The following CHMP1A variants were observed in gnomAD, a reference collection of about 807,000 sequenced individuals.
CHMP1A encodes the protein VPS46 homolog A.
CHMP1A carries 17 observed loss-of-function variants against 27.0 expected under a neutral mutation model. The ratio of observed to expected loss-of-function variants is 0.63; its 90% CI spans 0.43 to 0.95. The LOEUF is 0.95. CHMP1A is among the 40% of genes least tolerant of loss of function. CHMP1A has a pLI of 0.00. For missense variants in CHMP1A, 275 were observed against 264.0 expected (o/e 1.04, Z -0.29); for synonymous variants, 131 against 107.5 (o/e 1.22, Z -1.35).
At chr16:89,648,583 G>A (rs1265977843) in intron 4 of CHMP1A, among the ~76,000 whole-genome samples, 1 of 152,210 alleles carries the variant, frequency 6.6e-6, no homozygotes, top group Non-Finnish European at 1.5e-5. Flanking sequence ...TGTGGGAGTT[G>A]CCAAGACCGA....
intron 1 of CHMP1A, among the ~76,000 whole-genome samples, chr16:89,654,517 G>T (rs2059849043): frequency 1.3e-5 from 2 of 152,284 alleles, no homozygotes; most frequent in African/African-American, 4.8e-5. Context: ...TCAAAGAGCT[G>T]ATTTCCAGCG....
chr16:89,653,975 A>C lies in CHMP1A; in HGVS notation c.8-52T>G, dbSNP rs374703827. The C allele has an allele frequency of 1.7e-4, 266 of 1,591,568 alleles. No individual in the cohort carries two copies. The African/African-American group carries it at 3.2e-3, about 19-fold the overall frequency. On this transcript the variant is annotated intron_variant, in intron 1 of 6. Coordinates refer to ENST00000397901, the MANE Select transcript of CHMP1A (RefSeq NM_002768.5). ...TTGAGGATTGGGAATGGGACGTTAC[A>C]CTTCTGGCAGGCAGGACTCACTAGG... is the stretch of plus-strand genomic sequence containing the variant.
At chr16:89,653,020 C>CTTTTTT (rs746886149) in intron 2 of CHMP1A, among the ~76,000 whole-genome samples, 15 of 82,190 alleles carry the variant, frequency 1.8e-4, no homozygotes, top group African/African-American at 5.5e-4. Context: ...TTTTTCTTTT[C>CTTTTTT]TTTTTTTTTT....
intron 1 of CHMP1A, among the ~76,000 whole-genome samples, chr16:89,654,553 C>T (rs1463508036): frequency 1.3e-5 from 2 of 152,204 alleles, no homozygotes; most frequent in Admixed American, 1.3e-4. Context: ...CCTGTAATCA[C>T]AGCACTCTGG....
At position 89,645,587 on chromosome 16, in the gene CHMP1A, GACA is replaced by G; in HGVS notation, c.*476_*478del. On this transcript the variant is annotated 3_prime_UTR_variant, in exon 7 of 7. Transcript: ENST00000397901. ...ACCAGGACAGCGTTGGGTGGCACCT[GACA>G]TCCCCCAGCACACATAGACCTGTGG... 4.5e-6 allele frequency: 1 copy of G among 222,956 alleles called. No individual in the cohort carries two copies. The highest frequency in any genetic ancestry group is 4.9e-5 in the South Asian group (1 of 20,318). 13.8% of individuals were successfully genotyped at this position (222,956 alleles called of 1,614,324 possible). A position where few individuals can be genotyped will look rare whatever the true frequency, so the allele number is the denominator to read the frequency against.
intron 1 of CHMP1A, among the ~76,000 whole-genome samples, chr16:89,657,145 A>C (rs1468322723): frequency 1.3e-4 from 3 of 23,760 alleles, no homozygotes; most frequent in South Asian, 1.3e-3. Context: ...GGGCCTGGGA[A>C]GGGTCCCGGT....
rs144024254 is a variant in CHMP1A at position 89,649,314 on chromosome 16, G to A, written c.252+37C>T. 7.2e-3 allele frequency: 11,491 copies of A among 1,597,250 alleles called. 82 individuals carry two copies. Among genetic ancestry groups the A allele is most frequent in the South Asian group, 0.022 (2,017 of 90,408 alleles). ...AGAGCCCATTCCTGCTTCAGCCAGCGAACGCCACCCATCCAGCACCAGGGC... is the reference window on the plus strand; with the variant it reads ...AGAGCCCATTCCTGCTTCAGCCAGCAAACGCCACCCATCCAGCACCAGGGC... On this transcript the variant is annotated intron_variant, in intron 4 of 6. Transcript: ENST00000397901.
intron 1 of CHMP1A, 25 bp downstream of exon 1, chr16:89,657,557 C>T (rs2059895363): frequency 1.2e-6 from 2 of 1,610,218 alleles, no homozygotes; most frequent in Non-Finnish European, 1.7e-6. Context: ...GCGCGAGTCC[C>T]CGGAGGACGG....
At chr16:89,646,190 A>G in intron 6 of CHMP1A, 103 bp from the exon 7 acceptor site, 3 of 1,079,262 alleles carry the variant, frequency 2.8e-6, no homozygotes, top group Non-Finnish European at 4.0e-6. Flanking sequence ...GTGTCCTGAG[A>G]TAACATGAGT....
At chr16:89,653,014 T>C (rs1407641153) in intron 2 of CHMP1A, among the ~76,000 whole-genome samples, 3 of 131,054 alleles carry the variant, frequency 2.3e-5, no homozygotes, top group African/African-American at 2.8e-5. Flanking sequence ...TTTTTTTTTT[T>C]CTTTTCTTTT....
At chr16:89,656,223 G>A (rs1390015409) in intron 1 of CHMP1A, among the ~76,000 whole-genome samples, 17 of 152,232 alleles carry the variant, frequency 1.1e-4, no homozygotes, top group Admixed American at 9.8e-4. Context: ...TGCAAGCTCC[G>A]CCTCCCGGGT....
intron 1 of CHMP1A, among the ~76,000 whole-genome samples, chr16:89,655,999 C>T (rs1312409139): frequency 7.2e-5 from 11 of 151,764 alleles, no homozygotes. Flanking sequence ...CAGGCCTGAG[C>T]CACCACACCC....
intron 4 of CHMP1A, 170 bp downstream of exon 4, chr16:89,649,181 A>G: frequency 8.1e-6 from 2 of 248,420 alleles, no homozygotes; most frequent in Non-Finnish European, 1.3e-5. Flanking sequence ...CCCCACGCTG[A>G]TCCAGCCCTC....
In CHMP1A at chr16:89,647,560, GTGGAGA is replaced by G. The variant is rs2059785750; in HGVS notation, c.253-235_253-230del. Among the ~76,000 whole-genome samples the G allele has an allele frequency of 1.7e-4, 24 of 144,728 alleles. 2 individuals carry two copies. The highest frequency in any genetic ancestry group is 2.8e-4 in the Admixed American group (4 of 14,424). The allele number at this position is 144,728 out of a possible 152,430, so 94.9% of individuals were successfully genotyped here. A position where few individuals can be genotyped will look rare whatever the true frequency, so the allele number is the denominator to read the frequency against. Reference sequence around the variant, plus strand: ...GGTCAGTGGAGAAAAGGCCGCCGACGTGGAGACCCAGTGCGGGGTCAGTGGAGAAAA... The same window carrying G: ...GGTCAGTGGAGAAAAGGCCGCCGACGCCCAGTGCGGGGTCAGTGGAGAAAA... On this transcript the variant is annotated intron_variant, in intron 4 of 6. Transcript: ENST00000397901.
chr16:89,655,482 T>A (rs1289740466), intron 1 of CHMP1A, among the ~76,000 whole-genome samples: 1 of 147,338 alleles, frequency 6.8e-6, no homozygotes, highest in African/African-American at 2.5e-5. Context: ...ACCTCAGCTT[T>A]CCTCACCTCA....
intron 1 of CHMP1A, among the ~76,000 whole-genome samples, chr16:89,654,854 A>C (rs1165018274): frequency 6.6e-6 from 1 of 151,942 alleles, no homozygotes; most frequent in Non-Finnish European, 1.5e-5. Flanking sequence ...GAGGCAGGAG[A>C]ATGGCGTGAA....
chr16:89,651,691 TC>T, intron 2 of CHMP1A, 45 bp from the exon 3 acceptor site: 2 of 1,594,396 alleles, frequency 1.3e-6, no homozygotes, highest in Non-Finnish European at 8.6e-7. Context: ...GCGGAGCCCA[TC>T]CCCCAGGCCC....
In CHMP1A at chr16:89,648,384, AGAAAAG is replaced by A. The variant is rs1344155997; in HGVS notation, c.252+961_252+966del. Among the ~76,000 whole-genome samples the A allele has an allele frequency of 2.0e-4, 23 of 114,522 alleles. 4 individuals carry two copies. Among genetic ancestry groups the A allele is most frequent in the Admixed American group, 3.1e-4 (3 of 9,830 alleles). The allele number at this position is 114,522 out of a possible 152,430, so 75.1% of individuals were successfully genotyped here. A position where few individuals can be genotyped will look rare whatever the true frequency, so the allele number is the denominator to read the frequency against. ...TGGAGACCCAGCGCGGGGTCGGTGG[AGAAAAG>A]GCCGCCGACGTGGGGACCCAGCGCG... On this transcript the variant is annotated intron_variant, in intron 4 of 6. Transcript: ENST00000397901.
At chr16:89,646,440 TC>T in intron 6 of CHMP1A, 86 bp downstream of exon 6, 1 of 1,378,876 alleles carries the variant, frequency 7.3e-7, no homozygotes, top group Non-Finnish European at 9.9e-7. Context: ...CAAGCTCTCC[TC>T]CAGCCTCTAA....
Sources: gnomAD v4.1 joint callset for allele counts (sites outside exome capture counted in the v4.1 genomes callset) on GRCh38, gnomAD v4.1.1 for gene constraint, MANE v1.5 for transcripts, NCBI Gene and HGNC (gene_info 2026-07-23, HGNC 2026-07-21) for gene names.